BNC2: variants seen among roughly 807,000 people sequenced by gnomAD.
The protein encoded by BNC2 is basonuclin zinc finger protein 2, also known as zinc finger protein basonuclin-2.
Under a neutral mutation model 76.3 loss-of-function variants are expected in BNC2, and 20 were observed. The ratio of observed to expected loss-of-function variants is 0.26; its 90% confidence interval spans 0.18 to 0.38. The LOEUF (loss-of-function observed/expected upper bound fraction) is 0.38, where lower values mean the gene tolerates loss of function less well. BNC2 is among the 10% of genes least tolerant of loss of function. BNC2 has a pLI of 1.00. For synonymous variants in BNC2, 582 were observed against 514.8 expected (o/e 1.13, Z -1.77); for missense variants, 1,382 against 1,399.8 (o/e 0.99, Z 0.20).
chr9:16,632,946 C>T (rs1821209240), intron 3 of BNC2, among the ~76,000 whole-genome samples: 1 of 152,012 alleles, frequency 6.6e-6, no homozygotes, highest in Non-Finnish European at 1.5e-5. Flanking sequence ...ATATTTGGGC[C>T]CCGAAGCATG....
intron 1 of BNC2, among the ~76,000 whole-genome samples, chr9:16,829,776 T>C (rs1818537961): frequency 6.6e-6 from 1 of 152,134 alleles, no homozygotes; most frequent in South Asian, 2.1e-4. Flanking sequence ...ATATAAACAG[T>C]GGCAGGGATT....
intron 1 of BNC2, among the ~76,000 whole-genome samples, chr9:16,854,474 A>G (rs1819204470): frequency 6.6e-6 from 1 of 152,208 alleles, no homozygotes; most frequent in African/African-American, 2.4e-5. Context: ...TCAGATCAAG[A>G]TATTTCTCTA....
chr9:16,532,214 GAC>G (rs1817997699), intron 5 of BNC2, among the ~76,000 whole-genome samples: 1 of 143,572 alleles, frequency 7.0e-6, no homozygotes, highest in Non-Finnish European at 1.5e-5. Flanking sequence ...ACAGCCAAGA[GAC>G]ATACAGAAAA....
chr9:16,538,139 G>A (rs1818184820), intron 5 of BNC2, among the ~76,000 whole-genome samples: 1 of 152,132 alleles, frequency 6.6e-6, no homozygotes, highest in Non-Finnish European at 1.5e-5. Flanking sequence ...TAGAACAGAG[G>A]AAAGAGAAGA....
intron 5 of BNC2, among the ~76,000 whole-genome samples, chr9:16,516,699 A>T (rs1486845164): frequency 4.6e-5 from 7 of 152,160 alleles, no homozygotes; most frequent in Admixed American, 4.6e-4. Flanking sequence ...TCATTTGAAA[A>T]ATCTCTTAAG....
At chr9:16,790,605 T>C (rs377093635) in intron 1 of BNC2, among the ~76,000 whole-genome samples, 1 of 152,196 alleles carries the variant, frequency 6.6e-6, no homozygotes, top group African/African-American at 2.4e-5. Flanking sequence ...TCCAACATTT[T>C]ATCCTTTGTG....
intron 5 of BNC2, among the ~76,000 whole-genome samples, chr9:16,479,996 G>T (rs555205909): frequency 6.6e-6 from 1 of 152,278 alleles, no homozygotes. Context: ...AAGTATAGCA[G>T]CTATTATAAT....
At chr9:16,802,777 G>C (rs1278803985) in intron 1 of BNC2, among the ~76,000 whole-genome samples, 1 of 152,202 alleles carries the variant, frequency 6.6e-6, no homozygotes, top group Non-Finnish European at 1.5e-5. Flanking sequence ...TTCAGACCTA[G>C]AGATTCTGCT....
At position 16,658,224 on chromosome 9, in the gene BNC2, C is replaced by A. The variant is rs537832473; in HGVS notation, c.330+69573G>T. Among the ~76,000 whole-genome samples the A allele has an allele frequency of 2.6e-5, 4 of 151,974 alleles. No individual in the cohort carries two copies. In the East Asian group the frequency reaches 7.7e-4, roughly 29 times the overall value. ...CATTGTTAAACTATTTAGACATTTA[C>A]AAAAATTTTCATATGTGTGCCATTA... On this transcript the variant is annotated intron_variant, in intron 3 of 6. Transcript: ENST00000380672.
intron 3 of BNC2, among the ~76,000 whole-genome samples, chr9:16,630,224 T>C (rs182181943): frequency 7.9e-5 from 12 of 152,344 alleles, no homozygotes; most frequent in Non-Finnish European, 1.2e-4. Context: ...TATTGACTCA[T>C]TTATAGCACT....
chr9:16,694,940 A>G (rs542170341), intron 3 of BNC2, among the ~76,000 whole-genome samples: 13 of 152,364 alleles, frequency 8.5e-5, no homozygotes, highest in African/African-American at 3.1e-4. Flanking sequence ...AAGCTGTAGT[A>G]GTCTGTATCA....
chr9:16,727,985 C>T lies in BNC2; in HGVS notation c.142G>A (p.Glu48Lys). ...DTSQIESEEA[E>K]VDVRERETQR... ...GTCTCTCTTTCTCTCACATCCACTTCTGCCTCTTCTGACTGAAAAGTGAAG... is the reference window on the plus strand; with the variant it reads ...GTCTCTCTTTCTCTCACATCCACTTTTGCCTCTTCTGACTGAAAAGTGAAG... The change falls in exon 3 of 7, where the codon GAA becomes AAA. Residue 48 changes from glutamate to lysine, a missense_variant. Transcript: ENST00000380672. 1 of 1,613,682 alleles carries T rather than the reference C, an allele frequency of 6.2e-7. No individual in the cohort carries two copies.
intron 3 of BNC2, among the ~76,000 whole-genome samples, chr9:16,601,692 T>TTTTATTTAATGAATTA (rs755909409): frequency 1.8e-4 from 8 of 44,506 alleles, no homozygotes; most frequent in Non-Finnish European, 2.9e-4. Context: ...TCCATTTTCA[T>TTTTATTTAATGAATTA]TTTAAATGGA....
At chr9:16,600,518 C>G (rs937567065) in intron 3 of BNC2, among the ~76,000 whole-genome samples, 2 of 152,106 alleles carry the variant, frequency 1.3e-5, no homozygotes, top group African/African-American at 4.8e-5. Context: ...TTGACAAATT[C>G]AGCATTTTAT....
At chr9:16,676,591 GA>G (rs1822650032) in intron 3 of BNC2, among the ~76,000 whole-genome samples, 1 of 152,208 alleles carries the variant, frequency 6.6e-6, no homozygotes, top group Admixed American at 6.5e-5. Flanking sequence ...AGAGAATGCA[GA>G]AATGTAGTTA....
intron 3 of BNC2, among the ~76,000 whole-genome samples, chr9:16,617,411 T>A (rs1366578564): frequency 1.3e-5 from 2 of 151,942 alleles, no homozygotes; most frequent in Non-Finnish European, 2.9e-5. Flanking sequence ...AAAAGAATTA[T>A]GAAAATGGCC....
rs181476909 is a variant in BNC2, at chr9:16,415,671, T to G, written c.*3318A>C. On this transcript the variant is annotated 3_prime_UTR_variant, in exon 7 of 7. Transcript: ENST00000380672. ...CATCTTAACTAGAATTCTAGTTAAG[T>G]CAAAACAAGACACTCAGGCACACAC... 1.3e-5 allele frequency: 2 copies of G among 152,230 alleles called. No individual in the cohort carries two copies. The highest frequency in any genetic ancestry group is 2.9e-5 in the Non-Finnish European group (2 of 68,000). The allele number at this position is 152,230 out of a possible 1,614,324, so 9.4% of individuals were successfully genotyped here.
intron 3 of BNC2, among the ~76,000 whole-genome samples, chr9:16,710,156 C>T (rs1241412349): frequency 6.6e-6 from 1 of 152,018 alleles, no homozygotes; most frequent in Non-Finnish European, 1.5e-5. Context: ...CTTGCTGAAG[C>T]TTGAATCTCT....
chr9:16,790,817 C>T (rs370597368), intron 1 of BNC2, among the ~76,000 whole-genome samples: 16 of 128,820 alleles, frequency 1.2e-4, no homozygotes, highest in South Asian at 2.5e-4. Context: ...CCTTGGTAAG[C>T]TTTTTTTTTT....
Sources: allele counts gnomAD v4.1 joint callset (sites outside exome capture counted in the v4.1 genomes callset), GRCh38; gene constraint gnomAD v4.1.1; transcripts MANE v1.5; gene names NCBI Gene and HGNC (gene_info 2026-07-23, HGNC 2026-07-21).